Variants in KL observed in about 807,000 individuals in gnomAD.
KL encodes klotho.
A neutral mutation model predicts 84.2 loss-of-function variants in KL; 62 were observed. The observed-to-expected ratio is 0.74, with a 90% CI of 0.60 to 0.91. KL has a LOEUF of 0.91. Ranked by LOEUF, KL falls within the 40% of genes least tolerant of loss-of-function variation. The pLI is 0.00. For synonymous variants in KL, 528 were observed against 528.0 expected (o/e 1.00, Z 0.00); for missense variants, 1,261 against 1,305.7 (o/e 0.97, Z 0.53).
chr13:33,044,650 T>TTTC, intron 1 of KL, among the ~76,000 whole-genome samples: 2 of 94,790 alleles, frequency 2.1e-5, no homozygotes, highest in Admixed American at 1.1e-4. Context: ...CTTTTTTTTT[T>TTTC]TTTTTTTTTT....
chr13:33,055,359 A>G, intron 3 of KL, 44 bp downstream of exon 3: 1 of 1,613,266 alleles, frequency 6.2e-7, no homozygotes, highest in Non-Finnish European at 8.5e-7. Flanking sequence ...ACCAAGCCCT[A>G]TCACTAGTAA....
intron 1 of KL, among the ~76,000 whole-genome samples, chr13:33,022,360 T>C (rs145731233): frequency 5.4e-4 from 82 of 152,348 alleles, no homozygotes; most frequent in African/African-American, 1.9e-3. Context: ...GTTGTCTTTC[T>C]TTCAATGAAT....
In KL at chr13:33,061,543, A is replaced by G. The variant is rs1256553877; in HGVS notation, c.2464A>G (p.Ile822Val). 1 of 1,614,256 alleles carries G rather than the reference A, an allele frequency of 6.2e-7. No homozygotes were observed. The highest frequency in any genetic ancestry group is 1.7e-5 in the Admixed American group (1 of 60,032). The change falls in exon 4 of 5, where the codon ATA becomes GTA. Residue 822 changes from isoleucine (I) to valine (V), a missense_variant. By Grantham distance (29) the Ile-to-Val change is conservative. Transcript: ENST00000380099. ...TGTAGACTCAGAAAAAGAAGATCCA[A>G]TAAAATACAATGATTACCTAGAAGT... The part of the protein sequence containing the change: ...ILVDSEKEDP[I>V]KYNDYLEVQE...
Position 33,064,167 on chromosome 13 carries a change from G to A in KL, c.3020G>A (p.Gly1007Asp), listed in dbSNP as rs1439029315. ...LSLIFYYSKKGRRSYK is the reference protein window; with the variant it reads ...LSLIFYYSKKDRRSYK Reference sequence around the variant, plus strand: ...CTTATATTTTACTACTCGAAGAAAGGCAGAAGAAGTTACAAATAGTTCTGA... The same window carrying A: ...CTTATATTTTACTACTCGAAGAAAGACAGAAGAAGTTACAAATAGTTCTGA... The change falls in exon 5 of 5, where the codon GGC becomes GAC. Residue 1007 changes from glycine (G) to aspartate (D), a missense_variant. Transcript: ENST00000380099. 6.2e-7 allele frequency: 1 copy of A among 1,606,200 alleles called. No individual in the cohort carries two copies. The highest frequency in any genetic ancestry group is 1.7e-5 in the Admixed American group (1 of 59,830).
chr13:33,040,803 A>G (rs1305934047), intron 1 of KL, among the ~76,000 whole-genome samples: 1 of 152,168 alleles, frequency 6.6e-6, no homozygotes. Context: ...ATTGAAAGCT[A>G]GACTTGTGAC....
intron 1 of KL, among the ~76,000 whole-genome samples, chr13:33,050,038 T>C (rs683907): frequency 0.31 from 46,940 of 152,114 alleles, 8,976 homozygotes; most frequent in Admixed American, 0.45. Flanking sequence ...TACATGTTAA[T>C]TGATATTCTT....
In KL at chr13:33,061,313, A is replaced by G. The variant is rs765139181; in HGVS notation, c.2234A>G (p.Asp745Gly). The change falls in exon 4 of 5, where the codon GAC (aspartate) becomes GGC (glycine). Residue 745 changes from aspartate to glycine, a missense_variant. By Grantham distance (94) the Asp-to-Gly change is moderately conservative. Transcript: ENST00000380099. ...CCTGCCTGCCCTTTCTCCCAAAAGG[A>G]CAAAGAGGTGGCTGAGAGAGTTTTG... ...IEPACPFSQK[D>G]KEVAERVLEF... The G allele has an allele frequency of 6.2e-7, 1 of 1,614,200 alleles. No individual in the cohort carries two copies. The highest frequency in any genetic ancestry group is 2.2e-5 in the East Asian group (1 of 44,874).
chr13:33,055,194 C>T lies in KL; in HGVS notation c.1478C>T (p.Ser493Leu). 1 of 1,614,222 alleles carries T rather than the reference C, an allele frequency of 6.2e-7. No homozygotes were observed. Among genetic ancestry groups the T allele is most frequent in the Non-Finnish European group, 8.5e-7 (1 of 1,180,038 alleles). ...GACAAGATGTTGTTGCCAAAGTCTT[C>T]AGCCTTGTTCTACCAAAAGCTGATA... ...SQDKMLLPKSSALFYQKLIEK... is the reference protein window; with the variant it reads ...SQDKMLLPKSLALFYQKLIEK... Residue 493 changes from serine (S) to leucine (L), a missense_variant, in exon 3 of 5, where the codon TCA becomes TTA. Coordinates refer to ENST00000380099, the MANE Select transcript of KL (RefSeq NM_004795.4).
In KL at chr13:33,061,668, C is replaced by T. The variant is rs138561018; in HGVS notation, c.2589C>T (p.Tyr863=). 29 of 1,614,004 alleles carry T rather than the reference C, an allele frequency of 1.8e-5. No individual in the cohort carries two copies. Among genetic ancestry groups the T allele is most frequent in the African/African-American group, 4.0e-5 (3 of 74,900 alleles). The change falls in exon 4 of 5, where the codon TAC becomes TAT. Residue 863 remains tyrosine (Y), a synonymous_variant. Coordinates refer to ENST00000380099, the MANE Select transcript of KL (RefSeq NM_004795.4). ...RKVLNWLKFK[Y]GDLPMYIISN... is the part of the protein sequence containing the mutation. ...TGCTGAACTGGCTGAAGTTCAAGTACGGAGACCTCCCCATGTACATAATAT... is the reference window on the plus strand; with the variant it reads ...TGCTGAACTGGCTGAAGTTCAAGTATGGAGACCTCCCCATGTACATAATAT...
intron 1 of KL, among the ~76,000 whole-genome samples, chr13:33,038,902 T>G (rs934534626): frequency 1.3e-5 from 2 of 152,146 alleles, no homozygotes; most frequent in African/African-American, 4.8e-5. Flanking sequence ...AAAATTCCAG[T>G]TTTAAAAAAT....
In KL at chr13:33,044,640, CTTTTTTTTTT is replaced by C. The variant is rs71071071; in HGVS notation, c.820-9108_820-9099del. Among the ~76,000 whole-genome samples, 205 of 52,772 alleles carry C rather than the reference CTTTTTTTTTT, an allele frequency of 3.9e-3. 1 individual carries two copies. The East Asian group carries it at 0.083, about 21-fold the overall frequency. The allele number at this position is 52,772 out of a possible 152,430, so 34.6% of individuals were successfully genotyped here. A position where few individuals can be genotyped will look rare whatever the true frequency, so the allele number is the denominator to read the frequency against. ...TTCATATATAAATGCAATTGATTTT[CTTTTTTTTTT>C]TTTTTTTTTTTTTTTTTTGAGACAG... On this transcript the variant is annotated intron_variant, in intron 1 of 4. Transcript: ENST00000380099.
chr13:33,042,234 A>C (rs545165931), intron 1 of KL, among the ~76,000 whole-genome samples: 2 of 152,220 alleles, frequency 1.3e-5, no homozygotes, highest in Non-Finnish European at 2.9e-5. Context: ...ATTAATCTAT[A>C]GATCTTTAAA....
At chr13:33,016,367 G>T, upstream of KL, 2 of 164,148 alleles carry the variant, frequency 1.2e-5, no homozygotes, top group South Asian at 3.6e-4. Context: ...CGCCGGCGGT[G>T]GGCGGGCGGG....
intron 1 of KL, among the ~76,000 whole-genome samples, chr13:33,037,926 C>CT (rs1388458197): frequency 6.6e-6 from 1 of 152,166 alleles, no homozygotes; most frequent in South Asian, 2.1e-4. Flanking sequence ...CAATGTGTAA[C>CT]TAATGCACCA....
chr13:33,054,961 A>T (rs756494516), intron 2 of KL, 86 bp from the exon 3 acceptor site: 1 of 1,546,784 alleles, frequency 6.5e-7, no homozygotes, highest in Non-Finnish European at 8.9e-7. Flanking sequence ...TATTTATTTA[A>T]GTAGGAAACG....
chr13:33,016,384 G>T, upstream of KL: 1 of 195,988 alleles, frequency 5.1e-6, no homozygotes, highest in South Asian at 1.6e-4. Flanking sequence ...CGGGCGCGGC[G>T]GGGCGCGGGC....
chr13:33,059,893 A>AT (rs1450656832), intron 3 of KL, among the ~76,000 whole-genome samples: 1 of 152,192 alleles, frequency 6.6e-6, no homozygotes, highest in East Asian at 1.9e-4. Flanking sequence ...GCAAACCTCA[A>AT]TTTAGAGCGT....
rs529993522 is a variant in KL, at chr13:33,064,050, C to T, written c.2903C>T (p.Thr968Ile). 6.8e-6 allele frequency: 11 copies of T among 1,614,172 alleles called. No homozygotes were observed. Among genetic ancestry groups the T allele is most frequent in the South Asian group, 2.2e-5 (2 of 91,078 alleles). ...GAAAGATTTTGTCCAGAAGAATTCA[C>T]CGTGTGTACTGAGTGCAGTTTTTTT... is the stretch of plus-strand genomic sequence containing the variant. ...TLERFCPEEFTVCTECSFFHT... is the reference protein window; with the variant it reads ...TLERFCPEEFIVCTECSFFHT... The change falls in exon 5 of 5, where the codon ACC (threonine) becomes ATC (isoleucine). Residue 968 changes from threonine (T) to isoleucine (I), a missense_variant. Transcript: ENST00000380099.
rs1330850226 is a variant in KL at position 33,017,101 on chromosome 13, G to A, written c.661G>A (p.Glu221Lys). Residue 221 changes from glutamate to lysine, a missense_variant, in exon 1 of 5, where the codon GAG becomes AAG. Glu to Lys is a moderately conservative substitution (Grantham distance 56, BLOSUM62 1). Transcript: ENST00000380099. ...ALADHFRDYA[E>K]LCFRHFGGQV... ...GGCCGACCACTTCAGGGATTACGCG[G>A]AGCTCTGCTTCCGCCACTTCGGCGG... is the stretch of plus-strand genomic sequence containing the variant. The A allele has an allele frequency of 1.2e-6, 2 of 1,605,430 alleles. No individual in the cohort carries two copies. Among genetic ancestry groups the A allele is most frequent in the South Asian group, 1.1e-5 (1 of 91,058 alleles).
Sources: allele counts gnomAD v4.1 joint callset (sites outside exome capture counted in the v4.1 genomes callset), GRCh38; gene constraint gnomAD v4.1.1; transcripts MANE v1.5; gene names NCBI Gene and HGNC (gene_info 2026-07-23, HGNC 2026-07-21).